Variants in TMEM163 observed in about 807,000 individuals in gnomAD.
TMEM163 encodes transmembrane protein 163.
A neutral mutation model predicts 29.3 loss-of-function variants in TMEM163; 17 were observed. The ratio of observed to expected loss-of-function variants is 0.58; its 90% confidence interval spans 0.40 to 0.87. The LOEUF is 0.87. Among genes scored for constraint, TMEM163 ranks in the 40% least tolerant of loss-of-function variants. The probability of loss-of-function intolerance (pLI) is 0.00; values close to 1 mark genes in which losing one functional copy is unlikely to be tolerated. For missense variants in TMEM163, 303 were observed against 381.5 expected (o/e 0.79, Z 1.71); for synonymous variants, 157 against 160.6 (o/e 0.98, Z 0.17).
intron 2 of TMEM163, among the ~76,000 whole-genome samples, chr2:134,678,833 A>G (rs1684173068): frequency 6.6e-6 from 1 of 152,224 alleles, no homozygotes; most frequent in Non-Finnish European, 1.5e-5. Context: ...TTAAAATTTG[A>G]ATTTTTATAA....
intron 4 of TMEM163, among the ~76,000 whole-genome samples, chr2:134,506,373 T>G (rs922358690): frequency 6.6e-6 from 1 of 152,224 alleles, no homozygotes; most frequent in South Asian, 2.1e-4. Flanking sequence ...TAATATTTAT[T>G]GTGTTTACAC....
chr2:134,695,371 C>T (rs1684555785), intron 2 of TMEM163, among the ~76,000 whole-genome samples: 1 of 151,666 alleles, frequency 6.6e-6, no homozygotes, highest in African/African-American at 2.4e-5. Flanking sequence ...GCCACCGTGC[C>T]CGGGCAAATT....
chr2:134,614,142 A>G (rs1682561208), intron 2 of TMEM163, among the ~76,000 whole-genome samples: 1 of 152,214 alleles, frequency 6.6e-6, no homozygotes, highest in Non-Finnish European at 1.5e-5. Context: ...TGTCAATGAA[A>G]CAAAACAGAG....
chr2:134,656,423 A>G (rs1189128591), intron 2 of TMEM163, among the ~76,000 whole-genome samples: 2 of 151,664 alleles, frequency 1.3e-5, no homozygotes, highest in South Asian at 2.1e-4. Flanking sequence ...CGGTGCACGC[A>G]CCCACTGGCC....
chr2:134,681,337 C>T (rs1684228781), intron 2 of TMEM163, among the ~76,000 whole-genome samples: 1 of 152,304 alleles, frequency 6.6e-6, no homozygotes, highest in African/African-American at 2.4e-5. Context: ...CTATGCATTA[C>T]CTGCCTCCTA....
intron 2 of TMEM163, among the ~76,000 whole-genome samples, chr2:134,668,310 G>C (rs907534361): frequency 2.0e-5 from 3 of 152,088 alleles, no homozygotes; most frequent in African/African-American, 7.2e-5. Flanking sequence ...TCTCTCCAAG[G>C]TCACTAGACC....
intron 1 of TMEM163, among the ~76,000 whole-genome samples, chr2:134,713,852 C>A (rs1265135636): frequency 1.3e-5 from 2 of 152,208 alleles, no homozygotes; most frequent in African/African-American, 2.4e-5. Flanking sequence ...GGAGAAGAAC[C>A]ATTTCTCTTT....
At position 134,470,603 on chromosome 2, in the gene TMEM163, G is replaced by A. The variant is rs75135684; in HGVS notation, c.556-4378C>T. Among the ~76,000 whole-genome samples, 795 of 152,238 alleles carry A rather than the reference G, an allele frequency of 5.2e-3. 6 individuals are homozygous for A. The highest frequency in any genetic ancestry group is 0.018 in the African/African-American group (747 of 41,496). ...GTCTGGGGCCATCTCTGAGTGTCAC[G>A]CAAAGCTGCAGGCTGCAGCTCACCA... is the stretch of plus-strand genomic sequence containing the variant. On this transcript the variant is annotated intron_variant, in intron 5 of 7. Transcript: ENST00000281924.
intron 4 of TMEM163, among the ~76,000 whole-genome samples, chr2:134,513,618 AT>A (rs2106491845): frequency 6.6e-6 from 1 of 152,252 alleles, no homozygotes; most frequent in South Asian, 2.1e-4. Context: ...TTAGATCTGC[AT>A]TTTCCAGCAC....
chr2:134,458,200 A>C (rs777091810), intron 6 of TMEM163, 27 bp from the exon 7 acceptor site: 25 of 1,612,796 alleles, frequency 1.6e-5, no homozygotes, highest in Non-Finnish European at 2.1e-5. Context: ...GAGAGGCTAG[A>C]TGGCAGTGCC....
At chr2:134,621,669 T>G (rs1682737450) in intron 2 of TMEM163, among the ~76,000 whole-genome samples, 1 of 151,812 alleles carries the variant, frequency 6.6e-6, no homozygotes, top group Admixed American at 6.6e-5. Context: ...GGCAGGCGAA[T>G]TACGAGGTCA....
At chr2:134,541,547 A>G (rs1680667967) in intron 4 of TMEM163, among the ~76,000 whole-genome samples, 1 of 152,230 alleles carries the variant, frequency 6.6e-6, no homozygotes, top group Admixed American at 6.5e-5. Flanking sequence ...TTCTAACCTT[A>G]AGGCATTGGA....
intron 2 of TMEM163, among the ~76,000 whole-genome samples, chr2:134,615,596 G>T (rs1434092596): frequency 2.0e-5 from 3 of 148,166 alleles, no homozygotes; most frequent in African/African-American, 4.9e-5. Flanking sequence ...AAAAATTAAA[G>T]TTGAGCAACC....
chr2:134,679,021 A>G (rs1469208285), intron 2 of TMEM163, among the ~76,000 whole-genome samples: 1 of 152,226 alleles, frequency 6.6e-6, no homozygotes, highest in South Asian at 2.1e-4. Flanking sequence ...CAATCAACAT[A>G]TTTAACAACG....
At chr2:134,705,925 C>T (rs189218497) in intron 2 of TMEM163, among the ~76,000 whole-genome samples, 19 of 152,196 alleles carry the variant, frequency 1.2e-4, no homozygotes, top group Non-Finnish European at 2.4e-4. Flanking sequence ...ACCTGGGGCT[C>T]GCCGCCCAGC....
chr2:134,551,098 A>G (rs1409451581), intron 3 of TMEM163, among the ~76,000 whole-genome samples: 1 of 152,210 alleles, frequency 6.6e-6, no homozygotes, highest in Non-Finnish European at 1.5e-5. Context: ...AGGACCTGCA[A>G]TAAGTCTGCC....
intron 5 of TMEM163, among the ~76,000 whole-genome samples, chr2:134,492,090 G>A (rs1679443489): frequency 6.6e-6 from 1 of 152,196 alleles, no homozygotes; most frequent in Non-Finnish European, 1.5e-5. Flanking sequence ...TCTGCCTCTG[G>A]TGACAGCTGT....
At chr2:134,632,344 A>C (rs1409755149) in intron 2 of TMEM163, among the ~76,000 whole-genome samples, 1 of 152,236 alleles carries the variant, frequency 6.6e-6, no homozygotes, top group Non-Finnish European at 1.5e-5. Context: ...GCTTTCAAGC[A>C]GATAAGTGAT....
chr2:134,656,511 C>T (rs532168102), intron 2 of TMEM163, among the ~76,000 whole-genome samples: 6 of 152,308 alleles, frequency 3.9e-5, no homozygotes, highest in East Asian at 1.9e-4. Flanking sequence ...CCGTCTTCTG[C>T]GTCGCTCACG....
Sources: gnomAD v4.1 joint callset for allele counts (sites outside exome capture counted in the v4.1 genomes callset) on GRCh38, gnomAD v4.1.1 for gene constraint, MANE v1.5 for transcripts, NCBI Gene and HGNC (gene_info 2026-07-23, HGNC 2026-07-21) for gene names.